MKRN2OS: variants seen among roughly 807,000 people sequenced by gnomAD.
MKRN2OS encodes MKRN2 opposite strand protein.
Under a neutral mutation model 18.2 loss-of-function variants are expected in MKRN2OS, and 17 were observed. That is an observed-to-expected ratio of 0.93 (90% CI 0.64 to 1.40). MKRN2OS has a LOEUF of 1.40. Among genes scored for constraint, MKRN2OS ranks in the 40% most tolerant of loss-of-function variants. MKRN2OS has a pLI of 0.00. For synonymous variants in MKRN2OS, 121 were observed against 108.5 expected (o/e 1.12, Z -0.72); for missense variants, 337 against 283.0 (o/e 1.19, Z -1.37).
intron 1 of MKRN2OS, chr3:12,556,869 A>AAT: frequency 2.7e-6 from 1 of 374,586 alleles, no homozygotes; most frequent in East Asian, 4.0e-5. Context: ...TAAGACTGGC[A>AAT]GGACTAAGAT....
Position 12,556,696 on chromosome 3 carries a change from G to A in MKRN2OS, n.265-2562C>T, listed in dbSNP as rs562242386. ...AGTTGAGGCAGGGCCTGAGAAGGGTGCCCAGTGAGTGCGAGTATGAATGGA... is the reference window on the plus strand; with the variant it reads ...AGTTGAGGCAGGGCCTGAGAAGGGTACCCAGTGAGTGCGAGTATGAATGGA... On this transcript the variant is annotated intron_variant and non_coding_transcript_variant, in intron 1 of 1. Coordinates refer to the MKRN2OS transcript ENST00000447550. Among the ~76,000 whole-genome samples, 9 of 152,250 alleles carry A rather than the reference G, an allele frequency of 5.9e-5. No homozygotes were observed. In the East Asian group the frequency reaches 1.7e-3, roughly 29 times the overall value.
chr3:12,540,086 A>G lies in MKRN2OS; in HGVS notation c.*107T>C. On this transcript the variant is annotated 3_prime_UTR_variant, in exon 4 of 4. Transcript: ENST00000564146. Reference sequence around the variant, plus strand: ...AGGTGTGAGCCACCATGCCCGGCCCATACACGCTTTTATTAACCACAGTTA... The same window carrying G: ...AGGTGTGAGCCACCATGCCCGGCCCGTACACGCTTTTATTAACCACAGTTA... The G allele has an allele frequency of 3.4e-6, 5 of 1,464,208 alleles. No individual in the cohort carries two copies. The highest frequency in any genetic ancestry group is 2.7e-6 in the Non-Finnish European group (3 of 1,094,464). The allele number at this position is 1,464,208 out of a possible 1,614,324, so 90.7% of individuals were successfully genotyped here. A position where few individuals can be genotyped will look rare whatever the true frequency, so the allele number is the denominator to read the frequency against.
rs375480727 is a variant in MKRN2OS, at chr3:12,543,325, A to G, written c.219-96T>C. On this transcript the variant is annotated intron_variant, in intron 1 of 3. Transcript: ENST00000564146. ...GAGGATGCCGAGCACAGTGGCTTAG[A>G]CCTGTAATCCCAGCACTTTGGGAGG... 4.7e-4 allele frequency: 485 copies of G among 1,027,938 alleles called. 1 individual carries two copies. Among genetic ancestry groups the G allele is most frequent in the Admixed American group, 3.1e-3 (139 of 44,736 alleles). The allele number at this position is 1,027,938 out of a possible 1,614,324, so 63.7% of individuals were successfully genotyped here. A position where few individuals can be genotyped will look rare whatever the true frequency, so the allele number is the denominator to read the frequency against.
chr3:12,544,301 A>T (rs1454184448), intron 1 of MKRN2OS, among the ~76,000 whole-genome samples: 1 of 152,158 alleles, frequency 6.6e-6, no homozygotes, highest in Non-Finnish European at 1.5e-5. Flanking sequence ...ATACACCAAC[A>T]TTCTATGACC....
intron 1 of MKRN2OS, among the ~76,000 whole-genome samples, chr3:12,544,189 T>G (rs2057854415): frequency 1.3e-5 from 2 of 152,300 alleles, no homozygotes; most frequent in Middle Eastern, 3.4e-3. Flanking sequence ...TCCCATTTTC[T>G]TATTCAAAAC....
upstream of MKRN2OS, among the ~76,000 whole-genome samples, chr3:12,546,952 A>C (rs2057890341): frequency 6.6e-6 from 1 of 152,140 alleles, no homozygotes; most frequent in Non-Finnish European, 1.5e-5. Context: ...CAATTTAAAA[A>C]TAATTTTTAG....
In MKRN2OS at chr3:12,540,214, AG is replaced by A; in HGVS notation, c.650del (p.Pro217LeufsTer39). ...TDCPQQQAQPPEGGGLC is the reference protein window; with the variant it reads ...TDCPQQQAQPXEGGGLC ...GCTCTCAGCACAAACCGCCGCCCTC[AG>A]GGGGTTGTGCCTGCTGCTGGGGACA... On this transcript the variant is annotated frameshift_variant, in exon 4 of 4. Transcript: ENST00000564146. LOFTEE classifies it high-confidence loss of function. The A allele has an allele frequency of 1.3e-6, 2 of 1,535,478 alleles. No homozygotes were observed. The highest frequency in any genetic ancestry group is 1.7e-6 in the Non-Finnish European group (2 of 1,146,316).
At chr3:12,555,348 G>A (rs1322425968) in intron 1 of MKRN2OS, among the ~76,000 whole-genome samples, 1 of 150,116 alleles carries the variant, frequency 6.7e-6, no homozygotes, top group Non-Finnish European at 1.5e-5. Context: ...ATTTTTATGA[G>A]CATGAATTGC....
chr3:12,541,347 C>A (rs540534410), intron 3 of MKRN2OS, among the ~76,000 whole-genome samples: 1 of 151,964 alleles, frequency 6.6e-6, no homozygotes, highest in Non-Finnish European at 1.5e-5. Context: ...CCAAGCCTCC[C>A]AAGTAGGGAC....
chr3:12,553,813 C>T (rs2125295218), exon 2 of MKRN2OS: 1 of 152,274 alleles, frequency 6.6e-6, no homozygotes, highest in African/African-American at 2.4e-5. Context: ...CAAAATTTAG[C>T]ATGGAGCTGA....
downstream of MKRN2OS, among the ~76,000 whole-genome samples, chr3:12,552,228 G>A (rs1395452798): frequency 6.6e-6 from 1 of 151,370 alleles, no homozygotes; most frequent in African/African-American, 2.4e-5. Flanking sequence ...CTGAAGCAGA[G>A]AATTGCTTGA....
At chr3:12,560,914 G>A (rs1488207144) in exon 1 of MKRN2OS, 2 of 152,194 alleles carry the variant, frequency 1.3e-5, no homozygotes, top group African/African-American at 2.4e-5. Context: ...ACATGAAAGA[G>A]GCTTGGAGTA....
chr3:12,558,173 G>T (rs1370962958), intron 1 of MKRN2OS, among the ~76,000 whole-genome samples: 1 of 152,222 alleles, frequency 6.6e-6, no homozygotes, highest in Non-Finnish European at 1.5e-5. Flanking sequence ...GGTATGAATA[G>T]TTGAGACGTG....
chr3:12,543,106 A>C, intron 2 of MKRN2OS, 74 bp downstream of exon 2: 1 of 1,252,676 alleles, frequency 8.0e-7, no homozygotes. Context: ...ATGTTGCCAT[A>C]ATCAAATCTC....
chr3:12,551,920 A>T (rs2442817), downstream of MKRN2OS, among the ~76,000 whole-genome samples: 78,115 of 151,850 alleles, frequency 0.51, 22,512 homozygotes, highest in African/African-American at 0.78. Context: ...CCAGCCTGGG[A>T]GACAGAGTGA....
At chr3:12,544,077 AACAGTATGACCAAAACCTTTT>A (rs1403392779) in intron 1 of MKRN2OS, among the ~76,000 whole-genome samples, 1 of 152,122 alleles carries the variant, frequency 6.6e-6, no homozygotes, top group Non-Finnish European at 1.5e-5. Flanking sequence ...TTTAGCACCT[AACAGTATGACCAAAACCTTTT>A]ACATACTTTG....
chr3:12,548,700 A>G (rs891813706), upstream of MKRN2OS, among the ~76,000 whole-genome samples: 3 of 152,158 alleles, frequency 2.0e-5, no homozygotes, highest in African/African-American at 7.2e-5. Flanking sequence ...GCCACTTTAA[A>G]TTGAGAATAT....
chr3:12,540,850 G>T (rs2057794013), intron 3 of MKRN2OS, among the ~76,000 whole-genome samples: 1 of 143,424 alleles, frequency 7.0e-6, no homozygotes, highest in South Asian at 2.2e-4. Context: ...CTCCAGCCTG[G>T]GTGACAGAGT....
At chr3:12,543,308 C>G (rs1001578019) in intron 1 of MKRN2OS, 79 bp from the exon 2 acceptor site, 3 of 1,222,056 alleles carry the variant, frequency 2.5e-6, no homozygotes, top group Admixed American at 4.1e-5. Flanking sequence ...AGGAGGATGC[C>G]GAGCACAGTG....
Sources: gnomAD v4.1 joint callset for allele counts (sites outside exome capture counted in the v4.1 genomes callset) on GRCh38, gnomAD v4.1.1 for gene constraint, MANE v1.5 for transcripts, NCBI Gene and HGNC (gene_info 2026-07-23, HGNC 2026-07-21) for gene names.